Variants in GABRG3 observed in about 807,000 individuals in gnomAD.
GABRG3 encodes the protein gamma-aminobutyric acid receptor subunit gamma-3.
A neutral mutation model predicts 48.8 loss-of-function variants in GABRG3; 25 were observed. The ratio of observed to expected loss-of-function variants is 0.51; its 90% CI spans 0.37 to 0.72. The LOEUF (loss-of-function observed/expected upper bound fraction) is 0.72, where lower values mean the gene tolerates loss of function less well. GABRG3 is among the 30% of genes least tolerant of loss of function. The probability of loss-of-function intolerance (pLI) is 0.00; values close to 1 mark genes in which losing one functional copy is unlikely to be tolerated. For missense variants in GABRG3, 394 were observed against 577.9 expected, an observed-to-expected ratio of 0.68 and a Z score of 3.26; for synonymous variants, 227 against 217.6, an observed-to-expected ratio of 1.04 and a Z score of -0.38.
In GABRG3 at chr15:27,026,829, G is replaced by C; in HGVS notation, c.270+8G>C. 1.9e-6 allele frequency: 3 copies of C among 1,590,908 alleles called. No individual in the cohort carries two copies. Among genetic ancestry groups the C allele is most frequent in the Non-Finnish European group, 2.6e-6 (3 of 1,168,508 alleles). On this transcript the variant is annotated splice_region_variant and intron_variant, in intron 3 of 9. Coordinates refer to ENST00000615808, the MANE Select transcript of GABRG3 (RefSeq NM_033223.5). ...GTGTCATCAATAAACATGGTAAGAA[G>C]CTCCTTTATTTTCTGATCTAACGGC...
intron 3 of GABRG3, among the ~76,000 whole-genome samples, chr15:27,196,800 A>G (rs2140426332): frequency 6.6e-6 from 1 of 152,334 alleles, no homozygotes; most frequent in South Asian, 2.1e-4. Context: ...TCCTCCTGAA[A>G]TATGGGCAGT....
intron 2 of GABRG3, among the ~76,000 whole-genome samples, chr15:26,983,202 C>A (rs961923482): frequency 6.6e-6 from 1 of 151,598 alleles, no homozygotes; most frequent in Non-Finnish European, 1.5e-5. Context: ...AACCATCAGG[C>A]CTTCTCATCC....
In GABRG3 at chr15:27,385,797, A is replaced by T. The variant is rs145993459; in HGVS notation, c.574+56909A>T. Among the ~76,000 whole-genome samples the T allele has an allele frequency of 1.5e-4, 23 of 152,212 alleles. No individual in the cohort carries two copies. The East Asian group carries it at 4.4e-3, about 29-fold the overall frequency. On this transcript the variant is annotated intron_variant, in intron 5 of 9. Transcript: ENST00000615808. ...TCATATTTCCCTTAATTCTGCAAGCATGGTTTCCTTCAATTCTTTGAGTAT... is the reference window on the plus strand; with the variant it reads ...TCATATTTCCCTTAATTCTGCAAGCTTGGTTTCCTTCAATTCTTTGAGTAT...
In GABRG3 at chr15:27,480,631, G is replaced by A; in HGVS notation, c.575-19G>A. 7.5e-6 allele frequency: 12 copies of A among 1,595,272 alleles called. No homozygotes were observed. Among genetic ancestry groups the A allele is most frequent in the Non-Finnish European group, 1.0e-5 (12 of 1,167,008 alleles). ...TAAATGTGTACCTTCAAGTGCTAAT[G>A]TTTGCTCTGTGTTTTTAGATGGCTA... On this transcript the variant is annotated intron_variant, in intron 5 of 9. Transcript: ENST00000615808.
intron 3 of GABRG3, among the ~76,000 whole-genome samples, chr15:27,293,856 A>T (rs534849506): frequency 6.6e-6 from 1 of 152,350 alleles, no homozygotes; most frequent in South Asian, 2.1e-4. Flanking sequence ...CACATCAGTG[A>T]TCTAAACAGA....
chr15:27,469,952 C>G (rs542597162), intron 5 of GABRG3, among the ~76,000 whole-genome samples: 1 of 152,322 alleles, frequency 6.6e-6, no homozygotes, highest in East Asian at 1.9e-4. Flanking sequence ...CAGTGGGTAA[C>G]AGCCTTGGCC....
chr15:27,066,297 T>C (rs1436750411), intron 3 of GABRG3, among the ~76,000 whole-genome samples: 1 of 152,214 alleles, frequency 6.6e-6, no homozygotes, highest in Non-Finnish European at 1.5e-5. Context: ...AGTTATTCCA[T>C]CCATTTCTGC....
At chr15:27,154,193 G>T (rs972894822) in intron 3 of GABRG3, among the ~76,000 whole-genome samples, 3 of 152,150 alleles carry the variant, frequency 2.0e-5, no homozygotes, top group African/African-American at 7.2e-5. Context: ...TTATAGTGGA[G>T]CCCTGTTGAT....
intron 7 of GABRG3, among the ~76,000 whole-genome samples, chr15:27,523,021 AATAATT>A (rs2150863267): frequency 6.6e-6 from 1 of 152,042 alleles, no homozygotes; most frequent in South Asian, 2.1e-4. Context: ...CTCTGCACCT[AATAATT>A]ACATCATGAA....
At chr15:27,384,844 A>AT (rs1245157618) in intron 5 of GABRG3, among the ~76,000 whole-genome samples, 1 of 152,092 alleles carries the variant, frequency 6.6e-6, no homozygotes, top group Non-Finnish European at 1.5e-5. Context: ...TATAGATCTT[A>AT]TTTTTTTATC....
intron 2 of GABRG3, among the ~76,000 whole-genome samples, chr15:27,022,520 T>C (rs1360908546): frequency 6.6e-6 from 1 of 152,184 alleles, no homozygotes; most frequent in Non-Finnish European, 1.5e-5. Context: ...TTGTACTATA[T>C]TAAATGTGAT....
intron 6 of GABRG3, 49 bp from the exon 7 acceptor site, chr15:27,519,923 A>G: frequency 7.7e-7 from 1 of 1,296,888 alleles, no homozygotes; most frequent in Non-Finnish European, 1.0e-6. Flanking sequence ...TTCCTGAATT[A>G]TTTTTGACCC....
chr15:27,518,433 T>G (rs1267585918), intron 6 of GABRG3, among the ~76,000 whole-genome samples: 1 of 151,878 alleles, frequency 6.6e-6, no homozygotes, highest in Non-Finnish European at 1.5e-5. Flanking sequence ...ATTAATTTAT[T>G]ATGGTTAGCC....
rs189458865 is a variant in GABRG3 at position 27,213,856 on chromosome 15, A to C, written c.271-112953A>C. 4.6e-5 allele frequency among the ~76,000 whole-genome samples: 7 copies of C among 152,310 alleles called. No homozygotes were observed. The South Asian group carries it at 1.0e-3, about 23-fold the overall frequency. ...TCCACACTTGTGGTGAAAGCTGCAC[A>C]GGCAGGAACGTGGAGCAGGTGTGTT... On this transcript the variant is annotated intron_variant, in intron 3 of 9. Coordinates refer to ENST00000615808, the MANE Select transcript of GABRG3 (RefSeq NM_033223.5).
intron 2 of GABRG3, among the ~76,000 whole-genome samples, chr15:26,988,111 T>C (rs1488390526): frequency 6.6e-6 from 1 of 152,202 alleles, no homozygotes; most frequent in Non-Finnish European, 1.5e-5. Context: ...TTGGAAAGAA[T>C]GTATATTCTG....
intron 3 of GABRG3, among the ~76,000 whole-genome samples, chr15:27,085,862 C>T (rs1294533561): frequency 6.6e-6 from 1 of 152,132 alleles, no homozygotes; most frequent in Non-Finnish European, 1.5e-5. Context: ...CTATGTTCTG[C>T]AAATCTACAA....
chr15:27,434,176 A>AGT (rs1388665236), intron 5 of GABRG3, among the ~76,000 whole-genome samples: 2 of 152,234 alleles, frequency 1.3e-5, no homozygotes, highest in Admixed American at 1.3e-4. Context: ...ACACGTTATA[A>AGT]GTGGCCCAGA....
chr15:27,419,340 G>T (rs79072957), intron 5 of GABRG3, among the ~76,000 whole-genome samples: 2,063 of 151,936 alleles, frequency 0.014, 49 homozygotes, highest in African/African-American at 0.048. Context: ...TTGACCTTTG[G>T]TTCTTCTAAC....
rs1298394704 is a variant in GABRG3, at chr15:27,403,919, A to AC, written c.574+75031_574+75032insC. On this transcript the variant is annotated intron_variant, in intron 5 of 9. Transcript: ENST00000615808. ...AAGCCAGACTCAAAAAAAAACAAAA[A>AC]AAAAAAAAACAAAAAAAAAAAACCG... 7.0e-3 allele frequency among the ~76,000 whole-genome samples: 939 copies of AC among 133,692 alleles called. 7 individuals are homozygous for AC. The highest frequency in any genetic ancestry group is 0.013 in the Admixed American group (182 of 14,166). 87.7% of individuals were successfully genotyped at this position (133,692 alleles called of 152,430 possible). A position where few individuals can be genotyped will look rare whatever the true frequency, so the allele number is the denominator to read the frequency against.
Sources: allele counts gnomAD v4.1 joint callset (sites outside exome capture counted in the v4.1 genomes callset), GRCh38; gene constraint gnomAD v4.1.1; transcripts MANE v1.5; gene names NCBI Gene and HGNC (gene_info 2026-07-23, HGNC 2026-07-21).